Variants in ABCC1 observed in about 807,000 individuals in gnomAD.
ABCC1 encodes ATP binding cassette subfamily C member 1 (ABCC1 blood group).
A neutral mutation model predicts 172.9 loss-of-function variants in ABCC1; 83 were observed. The observed-to-expected ratio is 0.48, with a 90% CI of 0.40 to 0.58. ABCC1 has a LOEUF of 0.58. Ranked by LOEUF, ABCC1 falls within the 20% of genes least tolerant of loss-of-function variation. The pLI is 0.00. For synonymous variants in ABCC1, 937 were observed against 825.2 expected, an observed-to-expected ratio of 1.14 and a Z score of -2.32; for missense variants, 1,817 against 2,002.7, an observed-to-expected ratio of 0.91 and a Z score of 1.77.
At chr16:16,106,524 T>G in intron 20 of ABCC1, 2 of 530,360 alleles carry the variant, frequency 3.8e-6, no homozygotes, top group South Asian at 2.8e-5. Flanking sequence ...CATTCCTGCC[T>G]GAGACACTGC....
chr16:16,092,904 G>A (rs868859010), intron 19 of ABCC1, among the ~76,000 whole-genome samples: 7 of 152,180 alleles, frequency 4.6e-5, no homozygotes, highest in Non-Finnish European at 1.0e-4. Context: ...TGGGGGAATC[G>A]CTTGAGCCTG....
At chr16:15,970,693 C>G (rs189053248) in intron 1 of ABCC1, among the ~76,000 whole-genome samples, 4 of 152,296 alleles carry the variant, frequency 2.6e-5, no homozygotes, top group African/African-American at 7.2e-5. Context: ...TTTCTTTCCC[C>G]CCTCCTTGCT....
Position 16,114,998 on chromosome 16 carries a change from C to A in ABCC1, c.3312C>A (p.Ala1104=), listed in dbSNP as rs1330346646. 6 of 1,614,224 alleles carry A rather than the reference C, an allele frequency of 3.7e-6. No individual in the cohort carries two copies. Among genetic ancestry groups the A allele is most frequent in the Non-Finnish European group, 5.1e-6 (6 of 1,180,034 alleles). The part of the protein sequence containing the change: ...FMGSLFNVIG[A]CIVILLATPI... ...GCTCCCTGTTCAACGTCATTGGTGC[C>A]TGCATCGTTATCCTGCTGGCCACGC... The change falls in exon 23 of 31, where the codon GCC becomes GCA. Residue 1104 remains alanine, a synonymous_variant. Coordinates refer to ENST00000399410, the MANE Select transcript of ABCC1 (RefSeq NM_004996.4).
chr16:16,057,120 T>C (rs1208111719), intron 12 of ABCC1, among the ~76,000 whole-genome samples: 1 of 147,556 alleles, frequency 6.8e-6, no homozygotes, highest in Non-Finnish European at 1.5e-5. Flanking sequence ...GGTGGGTAGA[T>C]CACTTGAGGC....
chr16:15,989,496 G>A (rs2046812303), intron 1 of ABCC1, among the ~76,000 whole-genome samples: 1 of 152,116 alleles, frequency 6.6e-6, no homozygotes, highest in East Asian at 1.9e-4. Flanking sequence ...GAAGCCCAGC[G>A]GGTGCCCTGA....
chr16:16,119,880 C>T (rs533359041), intron 23 of ABCC1, among the ~76,000 whole-genome samples: 6 of 152,076 alleles, frequency 3.9e-5, no homozygotes, highest in Non-Finnish European at 8.8e-5. Flanking sequence ...TAAGATGGGG[C>T]AGATCACCTG....
intron 5 of ABCC1, among the ~76,000 whole-genome samples, chr16:16,024,003 G>A (rs565237930): frequency 2.2e-3 from 334 of 152,264 alleles, no homozygotes; most frequent in Non-Finnish European, 3.9e-3. Context: ...CAGATCACCT[G>A]AGACTAGGAG....
chr16:16,060,215 A>G (rs2049854092), intron 12 of ABCC1, among the ~76,000 whole-genome samples: 1 of 152,068 alleles, frequency 6.6e-6, no homozygotes, highest in African/African-American at 2.4e-5. Flanking sequence ...ATTTTGTCAC[A>G]TGGAAAATGA....
chr16:16,069,672 A>G (rs1483150998), intron 13 of ABCC1, among the ~76,000 whole-genome samples: 1 of 152,118 alleles, frequency 6.6e-6, no homozygotes, highest in Non-Finnish European at 1.5e-5. Context: ...AAAAATGTCA[A>G]GTGTACACAG....
chr16:16,011,664 A>T (rs540425377), intron 3 of ABCC1, among the ~76,000 whole-genome samples: 4 of 150,340 alleles, frequency 2.7e-5, no homozygotes, highest in African/African-American at 4.9e-5. Context: ...TTTTTTATTT[A>T]TTTATTTTTT....
chr16:16,072,181 AT>A (rs11343915), intron 14 of ABCC1, among the ~76,000 whole-genome samples: 95,141 of 144,476 alleles, frequency 0.66, 31,008 homozygotes, highest in Non-Finnish European at 0.69. Context: ...TGTTACTTGG[AT>A]TTTTTTTTTT....
Position 15,958,450 on chromosome 16 carries a change from C to T in ABCC1, c.48+8651C>T, listed in dbSNP as rs529900590. ...ATTGTGCTTCCTCACACCTGGTCTGCTTCTTGCATGGATGGAACCCACTTT... is the reference window on the plus strand; with the variant it reads ...ATTGTGCTTCCTCACACCTGGTCTGTTTCTTGCATGGATGGAACCCACTTT... On this transcript the variant is annotated intron_variant, in intron 1 of 30. Transcript: ENST00000399410. 3.3e-5 allele frequency among the ~76,000 whole-genome samples: 5 copies of T among 152,272 alleles called. No homozygotes were observed. The East Asian group carries it at 9.6e-4, about 29-fold the overall frequency.
At chr16:16,054,238 T>G (rs1286956885) in intron 11 of ABCC1, among the ~76,000 whole-genome samples, 1 of 151,966 alleles carries the variant, frequency 6.6e-6, no homozygotes, top group African/African-American at 2.4e-5. Context: ...GCCTCCCAAA[T>G]TGCTGGGATT....
At chr16:16,125,005 TG>T in intron 25 of ABCC1, 90 bp downstream of exon 25, 3 of 1,579,084 alleles carry the variant, frequency 1.9e-6, no homozygotes. Context: ...CCAACAGGAA[TG>T]GGGGAGAGGA....
intron 4 of ABCC1, 22 bp downstream of exon 4, chr16:16,014,650 C>T (rs1412233713): frequency 6.2e-7 from 1 of 1,612,042 alleles, no homozygotes; most frequent in Non-Finnish European, 8.5e-7. Flanking sequence ...TCTCCTTCCT[C>T]ATCTTCCTTC....
rs545146508 is a variant in ABCC1 at position 16,138,911 on chromosome 16, T to C, written c.4487+353T>C. Among the ~76,000 whole-genome samples the C allele has an allele frequency of 4.6e-5, 7 of 152,304 alleles. No homozygotes were observed. In the South Asian group the frequency reaches 1.4e-3, roughly 32 times the overall value. On this transcript the variant is annotated intron_variant, in intron 30 of 30. Transcript: ENST00000399410. Reference sequence around the variant, plus strand: ...TTTTAGTAGTGACAGGGTTTTGCCATGTTGGCCAGGCTGGTCTCGAACTCC... The same window carrying C: ...TTTTAGTAGTGACAGGGTTTTGCCACGTTGGCCAGGCTGGTCTCGAACTCC...
chr16:16,114,792 G>A lies in ABCC1; in HGVS notation c.3106G>A (p.Ala1036Thr). ...GATCGCCGTGTTTGGCTACTCCATG[G>A]CCGTGTCCATCGGGGGGATCTTGGC... ...QGIAVFGYSM[A>T]VSIGGILASR... The change falls in exon 23 of 31, where the codon GCC becomes ACC. Residue 1036 changes from alanine (A) to threonine (T), a missense_variant. Ala to Thr is a moderately conservative substitution (Grantham distance 58). Coordinates refer to ENST00000399410, the MANE Select transcript of ABCC1 (RefSeq NM_004996.4). 6.2e-7 allele frequency: 1 copy of A among 1,605,490 alleles called. No individual in the cohort carries two copies. Among genetic ancestry groups the A allele is most frequent in the Non-Finnish European group, 8.5e-7 (1 of 1,172,812 alleles).
chr16:15,995,554 A>G (rs1031050225), intron 1 of ABCC1, among the ~76,000 whole-genome samples: 12 of 151,904 alleles, frequency 7.9e-5, no homozygotes, highest in Non-Finnish European at 1.6e-4. Context: ...CGCTTTGCAT[A>G]AAGTGAAATT....
rs45562937 is a variant in ABCC1, at chr16:15,979,261, A to T, written c.49-28555A>T. ...AGCTGAGATTGCACTACTGCACTCC[A>T]GCCTGGAGACAGAGCAAGACTCTGT... On this transcript the variant is annotated intron_variant, in intron 1 of 30. Coordinates refer to ENST00000399410, the MANE Select transcript of ABCC1 (RefSeq NM_004996.4). Among the ~76,000 whole-genome samples, 1,141 of 152,196 alleles carry T rather than the reference A, an allele frequency of 7.5e-3. 28 individuals carry two copies. The highest frequency in any genetic ancestry group is 0.042 in the Admixed American group (642 of 15,286).
Sources: gnomAD v4.1 joint callset for allele counts (sites outside exome capture counted in the v4.1 genomes callset) on GRCh38, gnomAD v4.1.1 for gene constraint, MANE v1.5 for transcripts, NCBI Gene and HGNC (gene_info 2026-07-23, HGNC 2026-07-21) for gene names.